MTMR8: variants seen among roughly 807,000 people sequenced by gnomAD.
The protein encoded by MTMR8 is phosphatidylinositol-3,5-bisphosphate 3-phosphatase MTMR8.
MTMR8 carries 65 observed loss-of-function variants against 39.3 expected under a neutral mutation model. The ratio of observed to expected loss-of-function variants is 1.65; its 90% confidence interval spans 1.35 to 2.03. The LOEUF (loss-of-function observed/expected upper bound fraction) is 2.03, where lower values mean the gene tolerates loss of function less well. Ranked by LOEUF, MTMR8 falls within the 30% of genes most tolerant of loss-of-function variation. The pLI is 0.00. For synonymous variants in MTMR8, 245 were observed against 185.2 expected (o/e 1.32, Z -2.62); for missense variants, 777 against 538.9 (o/e 1.44, Z -4.37).
intron 1 of MTMR8, among the ~76,000 whole-genome samples, chrX:64,363,590 C>T (rs750671967): frequency 8.9e-6 from 1 of 112,291 alleles, no homozygotes; most frequent in Non-Finnish European, 1.9e-5. Context: ...AATTAAACTT[C>T]TTTTCTTTAA....
chrX:64,292,803 G>A (rs1249822638), intron 12 of MTMR8, among the ~76,000 whole-genome samples: 1 of 111,135 alleles, frequency 9.0e-6, no homozygotes, highest in Non-Finnish European at 1.9e-5. Flanking sequence ...CCTAATAGGG[G>A]AATTAAACAA....
intron 12 of MTMR8, among the ~76,000 whole-genome samples, chrX:64,313,767 T>C (rs1922382893): frequency 8.9e-6 from 1 of 112,654 alleles, no homozygotes; most frequent in African/African-American, 3.2e-5. Context: ...TTTCTTTCCA[T>C]ATTCTGCATT....
chrX:64,290,520 C>T (rs1921359245), intron 12 of MTMR8, among the ~76,000 whole-genome samples: 1 of 110,830 alleles, frequency 9.0e-6, no homozygotes, highest in African/African-American at 3.3e-5. Context: ...TACAATATCA[C>T]AACCAGGATA....
chrX:64,365,077 A>G (rs1478324537), intron 1 of MTMR8, among the ~76,000 whole-genome samples: 3 of 111,810 alleles, frequency 2.7e-5, no homozygotes, highest in Non-Finnish European at 5.6e-5. Flanking sequence ...GAGTAAAAAG[A>G]AAGAAAAAGC....
At chrX:64,358,993 G>C (rs1923703503) in intron 2 of MTMR8, among the ~76,000 whole-genome samples, 1 of 110,380 alleles carries the variant, frequency 9.1e-6, no homozygotes, top group African/African-American at 3.3e-5. Context: ...GCCCTTTTTA[G>C]AAATTCAAAA....
intron 4 of MTMR8, among the ~76,000 whole-genome samples, chrX:64,351,854 C>CA (rs1180418902): frequency 1.8e-5 from 2 of 111,109 alleles, no homozygotes; most frequent in African/African-American, 6.5e-5. Context: ...TTTCTAGCTG[C>CA]ACTGGCAGCT....
At chrX:64,288,083 G>C (rs1322511717) in intron 12 of MTMR8, among the ~76,000 whole-genome samples, 1 of 88,250 alleles carries the variant, frequency 1.1e-5, no homozygotes, top group East Asian at 4.0e-4. Flanking sequence ...CCTACAGAAT[G>C]GGAGAAAATT....
At chrX:64,363,803 G>A (rs1316493940) in intron 1 of MTMR8, among the ~76,000 whole-genome samples, 1 of 111,834 alleles carries the variant, frequency 8.9e-6, no homozygotes, top group Non-Finnish European at 1.9e-5. Context: ...AAACCAGGAA[G>A]TGCAAGGGGT....
At chrX:64,368,473 A>G (rs1175975643) in intron 1 of MTMR8, among the ~76,000 whole-genome samples, 2 of 111,828 alleles carry the variant, frequency 1.8e-5, no homozygotes, top group African/African-American at 3.3e-5. Context: ...GAACCATCTG[A>G]TCTTTGACAA....
intron 12 of MTMR8, among the ~76,000 whole-genome samples, chrX:64,314,644 G>A (rs988775932): frequency 3.5e-5 from 4 of 113,012 alleles, no homozygotes; most frequent in Non-Finnish European, 7.5e-5. Context: ...GCTGCTGGCA[G>A]CAGTGGCACA....
intron 12 of MTMR8, among the ~76,000 whole-genome samples, chrX:64,322,346 G>T (rs1262685032): frequency 1.8e-5 from 2 of 110,817 alleles, no homozygotes; most frequent in African/African-American, 6.6e-5. Flanking sequence ...GTTCATCAGG[G>T]GTATTGGCCA....
chrX:64,308,704 T>C (rs950176066), intron 12 of MTMR8, among the ~76,000 whole-genome samples: 2 of 111,677 alleles, frequency 1.8e-5, no homozygotes, highest in African/African-American at 3.3e-5. Flanking sequence ...ATACGTGGCA[T>C]GGCGTATACA....
chrX:64,341,593 GGTA>G (rs1443462304), intron 8 of MTMR8, among the ~76,000 whole-genome samples: 4 of 110,509 alleles, frequency 3.6e-5, no homozygotes, highest in Middle Eastern at 4.8e-3. Flanking sequence ...TGTCCAATAT[GGTA>G]GTAACCAGCC....
chrX:64,283,441 T>G (rs1240809183), intron 12 of MTMR8, among the ~76,000 whole-genome samples: 16 of 111,939 alleles, frequency 1.4e-4, no homozygotes, highest in Non-Finnish European at 5.6e-5. Flanking sequence ...CTCTGCAGAT[T>G]TAAATGTCTC....
chrX:64,318,715 T>TG (rs1466628416), intron 12 of MTMR8, among the ~76,000 whole-genome samples: 5 of 105,235 alleles, frequency 4.8e-5, no homozygotes, highest in African/African-American at 1.8e-4. Flanking sequence ...TTTGTTTTTT[T>TG]TTTTTTTTTT....
chrX:64,359,291 A>G, intron 2 of MTMR8, 114 bp downstream of exon 2: 1 of 782,311 alleles, frequency 1.3e-6, no homozygotes, highest in South Asian at 4.8e-5. Context: ...TCCTCTGAAG[A>G]AAAGGTTTTA....
chrX:64,333,653 T>C (rs1922999347), intron 10 of MTMR8, among the ~76,000 whole-genome samples: 1 of 111,491 alleles, frequency 9.0e-6, no homozygotes, highest in Admixed American at 9.6e-5. Context: ...CCCGACCCCT[T>C]CTCTTCTACC....
intron 1 of MTMR8, among the ~76,000 whole-genome samples, chrX:64,388,598 C>T (rs1924620464): frequency 8.9e-6 from 1 of 112,349 alleles, no homozygotes; most frequent in African/African-American, 3.2e-5. Context: ...ATCTTGCAGT[C>T]CCCACATCTA....
intron 12 of MTMR8, among the ~76,000 whole-genome samples, chrX:64,308,163 A>T (rs1198155800): frequency 9.1e-6 from 1 of 110,428 alleles, no homozygotes; most frequent in East Asian, 2.8e-4. Context: ...ATAATAATAA[A>T]AATAAAAAGA....
Sources: allele counts gnomAD v4.1 joint callset (sites outside exome capture counted in the v4.1 genomes callset), GRCh38; gene constraint gnomAD v4.1.1; transcripts MANE v1.5; gene names NCBI Gene and HGNC (gene_info 2026-07-23, HGNC 2026-07-21).